The following PLCE1 variants were observed in gnomAD, a reference collection of about 807,000 sequenced individuals.
PLCE1 encodes 1-phosphatidylinositol 4,5-bisphosphate phosphodiesterase epsilon-1.
A neutral mutation model predicts 242.8 loss-of-function variants in PLCE1; 119 were observed. The ratio of observed to expected loss-of-function variants is 0.49; its 90% CI spans 0.42 to 0.57. The LOEUF (loss-of-function observed/expected upper bound fraction) is 0.57. PLCE1 is among the 20% of genes least tolerant of loss of function. The pLI is 0.00. For missense variants in PLCE1, 2,441 were observed against 2,788.8 expected (o/e 0.88, Z 2.81); for synonymous variants, 945 against 1,017.4 (o/e 0.93, Z 1.35).
At position 94,032,152 on chromosome 10, in the gene PLCE1, A is replaced by G; in HGVS notation, c.1106A>G (p.Asn369Ser). 6.2e-7 allele frequency: 1 copy of G among 1,609,582 alleles called. No individual in the cohort carries two copies. The highest frequency in any genetic ancestry group is 2.2e-5 in the East Asian group (1 of 44,818). Residue 369 changes from asparagine (N) to serine (S), a missense_variant, in exon 2 of 33, where the codon AAT becomes AGT. Physicochemically the swap from Asn to Ser is conservative, Grantham distance 46. Transcript: ENST00000371380. ...TGGAGTTACATAGATCAGAAGAGAA[A>G]TGGTCCCTTACTGCCTTGTGGGAGA... ...TAWSYIDQKR[N>S]GPLLPCGRVM...
chr10:94,118,597 CA>C (rs1251801483), intron 2 of PLCE1, among the ~76,000 whole-genome samples: 1 of 152,192 alleles, frequency 6.6e-6, no homozygotes. Flanking sequence ...TTTCTCTGCA[CA>C]AGCTCTCTCT....
In PLCE1 at chr10:94,087,976, A is replaced by C. The variant is rs940271038; in HGVS notation, c.1207-44198A>C. ...TTAGGATATGCACTTGGGGAGCCAC[A>C]GCACATGCTTTGCACACCCTTTTGC... On this transcript the variant is annotated intron_variant, in intron 2 of 32. Coordinates refer to ENST00000371380, the MANE Select transcript of PLCE1 (RefSeq NM_016341.4). Among the ~76,000 whole-genome samples, 5 of 152,250 alleles carry C rather than the reference A, an allele frequency of 3.3e-5. No individual in the cohort carries two copies. The South Asian group carries it at 1.0e-3, about 31-fold the overall frequency.
chr10:94,162,237 G>C (rs1024156184), intron 3 of PLCE1, among the ~76,000 whole-genome samples: 27 of 152,330 alleles, frequency 1.8e-4, no homozygotes, highest in African/African-American at 5.5e-4. Context: ...AATGGTACCA[G>C]CTCCTCCTTG....
At chr10:94,138,580 A>G (rs192805204) in intron 3 of PLCE1, 6 of 451,964 alleles carry the variant, frequency 1.3e-5, no homozygotes, top group African/African-American at 4.1e-5. Flanking sequence ...GGTTGCTTCA[A>G]TCTGAACATC....
intron 6 of PLCE1, among the ~76,000 whole-genome samples, chr10:94,235,062 T>TCACACACACACA (rs3222767): frequency 0.026 from 3,555 of 135,462 alleles, 80 homozygotes; most frequent in African/African-American, 0.039. Context: ...TACTGACCTT[T>TCACACACACACA]CACACACACA....
At chr10:94,171,113 C>A in intron 3 of PLCE1, 67 bp from the exon 4 acceptor site, 1 of 1,274,954 alleles carries the variant, frequency 7.8e-7, no homozygotes, top group Non-Finnish European at 1.1e-6. Flanking sequence ...GAATGGCTCT[C>A]AAGTAAATAT....
intron 7 of PLCE1, among the ~76,000 whole-genome samples, chr10:94,237,819 C>A (rs1459790856): frequency 6.6e-6 from 1 of 152,138 alleles, no homozygotes; most frequent in African/African-American, 2.4e-5. Flanking sequence ...TGATTGAGAG[C>A]CCCATGTTTT....
chr10:94,034,376 T>C (rs1003998103), intron 2 of PLCE1, among the ~76,000 whole-genome samples: 8 of 152,206 alleles, frequency 5.3e-5, no homozygotes, highest in Admixed American at 2.0e-4. Context: ...TGTACAATCA[T>C]CTTAACTACC....
intron 2 of PLCE1, among the ~76,000 whole-genome samples, chr10:94,078,635 A>G (rs1324543379): frequency 1.3e-5 from 2 of 151,956 alleles, no homozygotes; most frequent in Admixed American, 6.6e-5. Context: ...ACAGGCACCC[A>G]CCACCATGCC....
chr10:94,252,628 G>C, intron 9 of PLCE1, 130 bp downstream of exon 9: 1 of 778,024 alleles, frequency 1.3e-6, no homozygotes, highest in Non-Finnish European at 2.2e-6. Flanking sequence ...AGATACAAGG[G>C]CTTACCACAT....
At chr10:94,109,467 G>A (rs1810737) in intron 2 of PLCE1, among the ~76,000 whole-genome samples, 130,027 of 152,032 alleles carry the variant, frequency 0.86, 57,848 homozygotes, top group Non-Finnish European at 0.97. Flanking sequence ...AATTCGCCAT[G>A]CATGGTGGCA....
intron 2 of PLCE1, among the ~76,000 whole-genome samples, chr10:94,059,338 T>C (rs2043986403): frequency 6.6e-6 from 1 of 152,128 alleles, no homozygotes; most frequent in Non-Finnish European, 1.5e-5. Flanking sequence ...TGGGAAGAGA[T>C]GGACAGTGCC....
intron 1 of PLCE1, among the ~76,000 whole-genome samples, chr10:94,023,099 T>C (rs892601285): frequency 6.6e-6 from 1 of 152,046 alleles, no homozygotes; most frequent in African/African-American, 2.4e-5. Flanking sequence ...AGGAAACAGA[T>C]GAGAGCAATT....
chr10:93,994,945 C>T (rs1381352292), intron 1 of PLCE1, among the ~76,000 whole-genome samples: 1 of 152,160 alleles, frequency 6.6e-6, no homozygotes, highest in Non-Finnish European at 1.5e-5. Context: ...TTCACGTCTT[C>T]GAAAAGTTTT....
Position 94,249,437 on chromosome 10 carries a change from C to A in PLCE1, c.3096+2816C>A, listed in dbSNP as rs565602532. Among the ~76,000 whole-genome samples, 1,394 of 146,716 alleles carry A rather than the reference C, an allele frequency of 9.5e-3. 17 individuals carry two copies. Among genetic ancestry groups the A allele is most frequent in the African/African-American group, 0.032 (1,299 of 39,970 alleles). On this transcript the variant is annotated intron_variant, in intron 8 of 32. Transcript: ENST00000371380. ...GATGCCCTAAAGTTAAAAAAAAAAA[C>A]TATTTAAATTTACCTATAAGCTAAA...
At chr10:94,147,219 C>T (rs1414493382) in intron 3 of PLCE1, among the ~76,000 whole-genome samples, 2 of 151,968 alleles carry the variant, frequency 1.3e-5, no homozygotes, top group Non-Finnish European at 2.9e-5. Flanking sequence ...GTCAGGAGTG[C>T]GAGACTAGCC....
In PLCE1 at chr10:94,130,266, AAC is replaced by A. The variant is rs2046558175; in HGVS notation, c.1207-1904_1207-1903del. On this transcript the variant is annotated intron_variant, in intron 2 of 32. Transcript: ENST00000371380. ...TAGGGTTAGGATAATATTGCCCAGA[AAC>A]ACAGAAGAGCAAGGGCATAACTCCA... Among the ~76,000 whole-genome samples the A allele has an allele frequency of 3.3e-5, 5 of 152,338 alleles. No individual in the cohort carries two copies. In the South Asian group the frequency reaches 1.0e-3, roughly 32 times the overall value.
In PLCE1 at chr10:94,262,650, T is replaced by C. The variant is rs758743699; in HGVS notation, c.3971T>C (p.Val1324Ala). 1 of 1,614,058 alleles carries C rather than the reference T, an allele frequency of 6.2e-7. No individual in the cohort carries two copies. The highest frequency in any genetic ancestry group is 1.7e-5 in the Admixed American group (1 of 60,012). ...AGCACATCTCTGGGCATTTTTGGGG[T>C]GGGCATACTTCAGCTCAACGATTTC... ...IESTSLGIFG[V>A]GILQLNDFLV... is the part of the protein sequence containing the mutation. The change falls in exon 14 of 33, where the codon GTG (valine) becomes GCG (alanine). Residue 1324 changes from valine to alanine, a missense_variant. This residue lies in a region of PLCE1 where 1,004 missense variants were observed against 1,322.7 expected (regional missense o/e 0.76). Coordinates refer to ENST00000371380, the MANE Select transcript of PLCE1 (RefSeq NM_016341.4).
intron 4 of PLCE1, among the ~76,000 whole-genome samples, chr10:94,213,987 G>T (rs1213740944): frequency 6.6e-6 from 1 of 152,086 alleles, no homozygotes; most frequent in East Asian, 1.9e-4. Flanking sequence ...CCCATCTTAT[G>T]AGCGAGGAAA....
Sources: allele counts gnomAD v4.1 joint callset (sites outside exome capture counted in the v4.1 genomes callset), GRCh38; gene constraint gnomAD v4.1.1; regional missense constraint gnomAD v4.1.1; transcripts MANE v1.5; gene names NCBI Gene and HGNC (gene_info 2026-07-23, HGNC 2026-07-21).